UTS2B: variants seen among roughly 807,000 people sequenced by gnomAD.
UTS2B encodes the protein urotensin-2B.
UTS2B carries 21 observed loss-of-function variants against 19.2 expected under a neutral mutation model. That is an observed-to-expected ratio of 1.09 (90% CI 0.78 to 1.58). The LOEUF (loss-of-function observed/expected upper bound fraction) is 1.58, where lower values mean the gene tolerates loss of function less well. Among genes scored for constraint, UTS2B ranks in the 40% most tolerant of loss-of-function variants. The pLI is 0.00. For missense variants in UTS2B, 138 were observed against 130.3 expected (o/e 1.06, Z -0.29); for synonymous variants, 57 against 50.2 (o/e 1.14, Z -0.58).
intron 4 of UTS2B, among the ~76,000 whole-genome samples, chr3:191,285,841 G>C (rs2603680): frequency 0.5 from 76,426 of 151,604 alleles, 20,961 homozygotes; most frequent in Middle Eastern, 0.63. Context: ...GGAGGTTGCA[G>C]TGAGCCAAGA....
At chr3:191,344,602 G>A in the UTS2B span, among the ~76,000 whole-genome samples, 12,957 of 151,966 alleles carry the variant, frequency 0.085, 627 homozygotes, top group East Asian at 0.21. Flanking sequence ...TTTTGGAGAC[G>A]GAGTCTCGCT....
intron 6 of UTS2B, 118 bp from the exon 7 acceptor site, chr3:191,276,962 A>T: frequency 3.7e-6 from 3 of 807,806 alleles, no homozygotes; most frequent in Non-Finnish European, 5.8e-6. Context: ...ATGATTTGAC[A>T]TCACCCATCC....
At chr3:191,329,861 A>C (rs1717893502) in intron 1 of UTS2B, 1 of 725,148 alleles carries the variant, frequency 1.4e-6, no homozygotes, top group Non-Finnish European at 2.1e-6. Flanking sequence ...CCGGACGTGA[A>C]AGGAATTGAA....
At chr3:191,306,886 C>A (rs1259531542) in intron 3 of UTS2B, among the ~76,000 whole-genome samples, 1 of 152,172 alleles carries the variant, frequency 6.6e-6, no homozygotes, top group Non-Finnish European at 1.5e-5. Flanking sequence ...CCTGCCTCAG[C>A]CTCCCAAAGT....
At chr3:191,288,390 C>G (rs960350685) in intron 4 of UTS2B, among the ~76,000 whole-genome samples, 3 of 152,164 alleles carry the variant, frequency 2.0e-5, no homozygotes, top group African/African-American at 7.2e-5. Flanking sequence ...ACAATACTAT[C>G]ATTATCTAAA....
chr3:191,314,243 C>T lies in UTS2B; in HGVS notation c.-182+1793G>A, dbSNP rs531150293. Among the ~76,000 whole-genome samples, 107 of 152,276 alleles carry T rather than the reference C, an allele frequency of 7.0e-4. 1 individual carries two copies. The highest frequency in any genetic ancestry group is 2.3e-3 in the African/African-American group (97 of 41,544). ...TTCTGTTAAGCCTCATGGAGTTTCA[C>T]GTTACATATATGCAGTACAGGCTTT... On this transcript the variant is annotated intron_variant, in intron 3 of 8. Coordinates refer to ENST00000340524, the MANE Select transcript of UTS2B (RefSeq NM_198152.5).
At chr3:191,321,326 A>C (rs922824824) in intron 2 of UTS2B, among the ~76,000 whole-genome samples, 4 of 152,244 alleles carry the variant, frequency 2.6e-5, no homozygotes, top group Non-Finnish European at 5.9e-5. Flanking sequence ...AGGAAGTTTT[A>C]GTAAGACCTT....
intron 2 of UTS2B, among the ~76,000 whole-genome samples, chr3:191,321,307 A>G (rs1717604979): frequency 6.6e-6 from 1 of 152,212 alleles, no homozygotes; most frequent in South Asian, 2.1e-4. Context: ...TCAGAAGGCT[A>G]TACTCTAAAG....
upstream of UTS2B, among the ~76,000 whole-genome samples, chr3:191,331,492 A>G (rs1317596455): frequency 1.3e-5 from 2 of 152,224 alleles, no homozygotes; most frequent in Non-Finnish European, 2.9e-5. Context: ...CATTTTGCGT[A>G]ATACGGTGTT....
chr3:191,301,826 T>C (rs1050347999), intron 4 of UTS2B, among the ~76,000 whole-genome samples: 2 of 152,192 alleles, frequency 1.3e-5, no homozygotes, highest in Non-Finnish European at 2.9e-5. Context: ...GGAAACCCTA[T>C]TCAAAGAGCA....
rs76146386 is a variant in UTS2B, at chr3:191,310,894, G to T, written c.-182+5142C>A. Among the ~76,000 whole-genome samples the T allele has an allele frequency of 5.7e-4, 87 of 152,186 alleles. No homozygotes were observed. The East Asian group carries it at 0.013, about 23-fold the overall frequency. ...GGGGTCACTTCTCTTCAATTCCTTC[G>T]AAATATATTATTTATTTGTTATCTT... On this transcript the variant is annotated intron_variant, in intron 3 of 8. Coordinates refer to ENST00000340524, the MANE Select transcript of UTS2B (RefSeq NM_198152.5).
chr3:191,303,675 A>G (rs1255087804), intron 4 of UTS2B, among the ~76,000 whole-genome samples: 1 of 152,226 alleles, frequency 6.6e-6, no homozygotes, highest in Non-Finnish European at 1.5e-5. Flanking sequence ...GAATGCCTAG[A>G]TCTAATCTAT....
chr3:191,309,970 T>C (rs1195251500), intron 3 of UTS2B, among the ~76,000 whole-genome samples: 7 of 152,086 alleles, frequency 4.6e-5, no homozygotes, highest in Admixed American at 4.6e-4. Context: ...CTTTCTTTTT[T>C]TTCTTTCTTT....
intron 4 of UTS2B, among the ~76,000 whole-genome samples, chr3:191,289,388 A>G (rs1004000014): frequency 6.6e-6 from 1 of 150,944 alleles, no homozygotes; most frequent in African/African-American, 2.4e-5. Flanking sequence ...CGGCCTGGGC[A>G]ACAGACCAAG....
chr3:191,284,169 A>C (rs898620754), intron 4 of UTS2B, among the ~76,000 whole-genome samples: 5 of 149,508 alleles, frequency 3.3e-5, no homozygotes, highest in Non-Finnish European at 5.9e-5. Flanking sequence ...CTTAATTTTA[A>C]AAATTAAGTA....
At position 191,268,564 on chromosome 3, in the gene UTS2B, G is replaced by A. The variant is rs1419722750; in HGVS notation, c.335-123C>T. 8 of 618,342 alleles carry A rather than the reference G, an allele frequency of 1.3e-5. No homozygotes were observed. In the East Asian group the frequency reaches 2.4e-4, roughly 18 times the overall value. 38.3% of individuals were successfully genotyped at this position (618,342 alleles called of 1,614,324 possible). On this transcript the variant is annotated intron_variant, in intron 8 of 8. Transcript: ENST00000340524. ...GTTTTTAAAAGGGACAGTCAATATTGTAGCTACTAGCCTCATGTGGATCTT... is the reference window on the plus strand; with the variant it reads ...GTTTTTAAAAGGGACAGTCAATATTATAGCTACTAGCCTCATGTGGATCTT...
intron 8 of UTS2B, among the ~76,000 whole-genome samples, chr3:191,270,545 G>GT (rs147396750): frequency 8.9e-4 from 135 of 150,932 alleles, no homozygotes; most frequent in Admixed American, 2.0e-3. Flanking sequence ...AACAAAAAAG[G>GT]TTTTTTTTTT....
intron 5 of UTS2B, among the ~76,000 whole-genome samples, chr3:191,280,028 G>T (rs188503415): frequency 4.8e-4 from 73 of 152,114 alleles, no homozygotes; most frequent in Middle Eastern, 3.4e-3. Context: ...AGATGGCAAA[G>T]CTGCTCCAAT....
intron 3 of UTS2B, among the ~76,000 whole-genome samples, chr3:191,315,023 T>G (rs1462794067): frequency 6.6e-6 from 1 of 151,914 alleles, no homozygotes; most frequent in Non-Finnish European, 1.5e-5. Context: ...ATTTTTTTTT[T>G]TTTTTTGAGA....
Sources: gnomAD v4.1 joint callset for allele counts (sites outside exome capture counted in the v4.1 genomes callset) on GRCh38, gnomAD v4.1.1 for gene constraint, MANE v1.5 for transcripts, NCBI Gene and HGNC (gene_info 2026-07-23, HGNC 2026-07-21) for gene names.